The following GRM7 variants were observed in gnomAD, a reference collection of about 807,000 sequenced individuals.
GRM7 encodes the protein glutamate metabotropic receptor 7, also known as metabotropic glutamate receptor 7.
In GRM7, 35 loss-of-function variants were observed where a neutral mutation model predicts 84.5. The ratio of observed to expected loss-of-function variants is 0.41; its 90% confidence interval spans 0.32 to 0.55. The LOEUF is 0.55. Among genes scored for constraint, GRM7 ranks in the 20% least tolerant of loss-of-function variants. GRM7 has a pLI of 0.19. For synonymous variants in GRM7, 487 were observed against 455.1 expected (o/e 1.07, Z -0.89); for missense variants, 1,003 against 1,194.6 (o/e 0.84, Z 2.36).
chr3:7,153,200 C>A (rs1411259110), intron 2 of GRM7, among the ~76,000 whole-genome samples: 2 of 69,826 alleles, frequency 2.9e-5, no homozygotes, highest in East Asian at 4.2e-4. Flanking sequence ...TGCTTATTTT[C>A]TGATTTTGTT....
At chr3:7,093,959 G>T (rs371067851) in intron 1 of GRM7, among the ~76,000 whole-genome samples, 23 of 152,128 alleles carry the variant, frequency 1.5e-4, no homozygotes, top group African/African-American at 5.3e-4. Context: ...TATTTTTCTT[G>T]CTATAAACTA....
At position 7,490,677 on chromosome 3, in the gene GRM7, C is replaced by T. The variant is rs556083994; in HGVS notation, c.1515+28955C>T. 1.4e-3 allele frequency among the ~76,000 whole-genome samples: 212 copies of T among 152,160 alleles called. 3 individuals are homozygous for T. The highest frequency in any genetic ancestry group is 3.4e-4 in the Non-Finnish European group (23 of 67,994). On this transcript the variant is annotated intron_variant, in intron 7 of 9. Coordinates refer to ENST00000357716, the MANE Select transcript of GRM7 (RefSeq NM_000844.4). ...AGTTGAATGTCTTATACATGAGGATCTATTAGACGATCTATATTTGTTTAT... is the reference window on the plus strand; with the variant it reads ...AGTTGAATGTCTTATACATGAGGATTTATTAGACGATCTATATTTGTTTAT...
rs953965526 is a variant in GRM7, at chr3:7,415,246, G to A, written c.1174+83G>A. The A allele has an allele frequency of 1.0e-5, 12 of 1,161,420 alleles. No homozygotes were observed. In the African/African-American group the frequency reaches 1.9e-4, roughly 18 times the overall value. The allele number at this position is 1,161,420 out of a possible 1,614,324, so 71.9% of individuals were successfully genotyped here. On this transcript the variant is annotated intron_variant, in intron 5 of 9. Coordinates refer to ENST00000357716, the MANE Select transcript of GRM7 (RefSeq NM_000844.4). ...CTGCATAGCTGACAGAAGGAAGCTT[G>A]GCTGGAGACAAATTGAAAAAGTAAA...
Position 7,452,803 on chromosome 3 carries a change from C to T in GRM7, c.1371C>T (p.Phe457=). 1 of 1,601,848 alleles carries T rather than the reference C, an allele frequency of 6.2e-7. No individual in the cohort carries two copies. Residue 457 remains phenylalanine, a synonymous_variant, in exon 6 of 10, where the codon TTC becomes TTT. Transcript: ENST00000357716. The part of the protein sequence containing the change: ...KLLKYIRNVN[F]NGSAGTPVMF... ...TGAAGTATATACGCAATGTTAATTT[C>T]AATGGTGAGTCTCCAAAAATCCATC...
In GRM7 at chr3:7,244,881, G is replaced by T. The variant is rs144303290; in HGVS notation, c.737-53803G>T. ...GCATATGTTGGAATGAGCTTTAAAT[G>T]ACTTAAGCATAATCATTATAACTAT... is the stretch of plus-strand genomic sequence containing the variant. On this transcript the variant is annotated intron_variant, in intron 2 of 9. Transcript: ENST00000357716. Among the ~76,000 whole-genome samples, 487 of 152,036 alleles carry T rather than the reference G, an allele frequency of 3.2e-3. 5 individuals carry two copies. Among genetic ancestry groups the T allele is most frequent in the African/African-American group, 0.011 (462 of 41,492 alleles).
At chr3:7,705,996 G>T (rs913939827) in intron 9 of GRM7, among the ~76,000 whole-genome samples, 10 of 152,126 alleles carry the variant, frequency 6.6e-5, no homozygotes, top group Non-Finnish European at 1.5e-4. Flanking sequence ...GTACAGAGGT[G>T]GTGGTAGAGC....
chr3:7,434,218 A>T (rs1696949065), intron 5 of GRM7, among the ~76,000 whole-genome samples: 1 of 152,146 alleles, frequency 6.6e-6, no homozygotes. Context: ...GCTCATTTGT[A>T]GATTTCTTAG....
chr3:7,432,878 A>G (rs980593936), intron 5 of GRM7, among the ~76,000 whole-genome samples: 1 of 152,194 alleles, frequency 6.6e-6, no homozygotes, highest in African/African-American at 2.4e-5. Flanking sequence ...TGTATGGAGG[A>G]TAAGGGAGTT....
intron 4 of GRM7, among the ~76,000 whole-genome samples, chr3:7,327,454 C>G (rs963006044): frequency 6.6e-6 from 1 of 152,026 alleles, no homozygotes; most frequent in East Asian, 1.9e-4. Flanking sequence ...TTATGTAATC[C>G]AATTGGGGTC....
Position 7,493,072 on chromosome 3 carries a change from G to A in GRM7, c.1515+31350G>A, listed in dbSNP as rs561140000. ...TTTTATTTCTTTTAAATTTGATGAA[G>A]TATGTTTATGATAAACATGTTCTAT... On this transcript the variant is annotated intron_variant, in intron 7 of 9. Transcript: ENST00000357716. 1.2e-4 allele frequency among the ~76,000 whole-genome samples: 19 copies of A among 152,112 alleles called. 1 individual carries two copies. Among genetic ancestry groups the A allele is most frequent in the Middle Eastern group, 6.8e-3 (2 of 294 alleles).
At chr3:7,704,320 T>G (rs909148429) in intron 9 of GRM7, among the ~76,000 whole-genome samples, 6 of 152,234 alleles carry the variant, frequency 3.9e-5, no homozygotes, top group Admixed American at 3.9e-4. Context: ...TCAATTTATA[T>G]GCATAAAAGA....
chr3:7,302,908 A>C (rs182724359), intron 3 of GRM7, among the ~76,000 whole-genome samples: 15 of 149,440 alleles, frequency 1.0e-4, no homozygotes, highest in Admixed American at 3.4e-4. Flanking sequence ...TCTAGGCCAG[A>C]AGTATTAACA....
chr3:7,369,449 C>A (rs1217397273), intron 4 of GRM7, among the ~76,000 whole-genome samples: 2 of 151,560 alleles, frequency 1.3e-5, no homozygotes, highest in East Asian at 3.9e-4. Context: ...AGTCTCACTT[C>A]TCTTCATGTT....
chr3:7,481,770 C>T (rs1480822294), intron 7 of GRM7, among the ~76,000 whole-genome samples: 1 of 152,204 alleles, frequency 6.6e-6, no homozygotes, highest in African/African-American at 2.4e-5. Flanking sequence ...TCTTAGCGAA[C>T]ATAGAGATAT....
chr3:7,013,471 C>G (rs1695455270), intron 1 of GRM7, among the ~76,000 whole-genome samples: 1 of 152,084 alleles, frequency 6.6e-6, no homozygotes, highest in Non-Finnish European at 1.5e-5. Context: ...GTCGGAGGCT[C>G]TCTTCATGAA....
At chr3:7,578,300 G>A in intron 7 of GRM7, 122 bp from the exon 8 acceptor site, 2 of 651,560 alleles carry the variant, frequency 3.1e-6, no homozygotes, top group South Asian at 4.1e-5. Flanking sequence ...GCAAGCTGAG[G>A]GTAAACTATT....
rs552863507 is a variant in GRM7 at position 6,997,312 on chromosome 3, C to T, written c.519+135405C>T. Among the ~76,000 whole-genome samples, 17 of 152,050 alleles carry T rather than the reference C, an allele frequency of 1.1e-4. No homozygotes were observed. The South Asian group carries it at 3.5e-3, about 32-fold the overall frequency. On this transcript the variant is annotated intron_variant, in intron 1 of 9. Transcript: ENST00000357716. ...AATATTTGTATTAATTTATTGTCAC[C>T]CTTCTATAAAGACATACCCATAACT...
chr3:7,395,963 T>A (rs1253479831), intron 4 of GRM7, among the ~76,000 whole-genome samples: 1 of 152,170 alleles, frequency 6.6e-6, no homozygotes, highest in Admixed American at 6.6e-5. Context: ...ATATGCCAAT[T>A]ACCCTGATCT....
intron 2 of GRM7, among the ~76,000 whole-genome samples, chr3:7,171,290 G>T (rs1041612178): frequency 6.6e-6 from 1 of 151,922 alleles, no homozygotes; most frequent in Non-Finnish European, 1.5e-5. Flanking sequence ...GTGTCCAAAT[G>T]TCCCCCTTTT....
Sources: gnomAD v4.1 joint callset for allele counts (sites outside exome capture counted in the v4.1 genomes callset) on GRCh38, gnomAD v4.1.1 for gene constraint, MANE v1.5 for transcripts, NCBI Gene and HGNC (gene_info 2026-07-23, HGNC 2026-07-21) for gene names.